F13A1: variants seen among roughly 807,000 people sequenced by gnomAD.
F13A1 encodes FSF, A subunit.
A neutral mutation model predicts 80.1 loss-of-function variants in F13A1; 47 were observed. The ratio of observed to expected loss-of-function variants is 0.59; its 90% CI spans 0.46 to 0.75. F13A1 has a LOEUF of 0.75. F13A1 is among the 30% of genes least tolerant of loss of function. The pLI is 0.00. For synonymous variants in F13A1, 349 were observed against 344.9 expected, an observed-to-expected ratio of 1.01 and a Z score of -0.13; for missense variants, 817 against 930.4, an observed-to-expected ratio of 0.88 and a Z score of 1.59.
At chr6:6,270,563 A>G (rs1561674399) in intron 3 of F13A1, among the ~76,000 whole-genome samples, 1 of 152,236 alleles carries the variant, frequency 6.6e-6, no homozygotes. Context: ...TGGGGTCCTT[A>G]CAAAACCTCT....
chr6:6,291,161 TCTC>T (rs1265031335), intron 3 of F13A1, among the ~76,000 whole-genome samples: 2 of 152,114 alleles, frequency 1.3e-5, no homozygotes, highest in African/African-American at 4.8e-5. Context: ...AGTTCATACT[TCTC>T]CACCTACGGC....
rs752429659 is a variant in F13A1, at chr6:6,318,522, G to C, written c.130+13C>G. 2 of 1,610,232 alleles carry C rather than the reference G, an allele frequency of 1.2e-6. No individual in the cohort carries two copies. The highest frequency in any genetic ancestry group is 1.8e-4 in the Middle Eastern group (1 of 5,538). ...TGGACCCAGAGTGGTGGGGAAGGGGGGTATGCTCATACCTTGCAGGTTGAC... is the reference window on the plus strand; with the variant it reads ...TGGACCCAGAGTGGTGGGGAAGGGGCGTATGCTCATACCTTGCAGGTTGAC... On this transcript the variant is annotated intron_variant, in intron 2 of 14. Transcript: ENST00000264870.
chr6:6,185,537 C>A (rs1286097145), intron 10 of F13A1, among the ~76,000 whole-genome samples: 1 of 151,892 alleles, frequency 6.6e-6, no homozygotes, highest in Non-Finnish European at 1.5e-5. Flanking sequence ...CATGTCCCTA[C>A]AAAGGACATG....
In F13A1 at chr6:6,211,984, G is replaced by A. The variant is rs541845895; in HGVS notation, c.1112+10049C>T. Reference sequence around the variant, plus strand: ...CGCTTTTCTGACGGGCTTAAAAAACGGCACACCAGGAGATTATATCCCGCA... The same window carrying A: ...CGCTTTTCTGACGGGCTTAAAAAACAGCACACCAGGAGATTATATCCCGCA... On this transcript the variant is annotated intron_variant, in intron 8 of 14. Coordinates refer to ENST00000264870, the MANE Select transcript of F13A1 (RefSeq NM_000129.4). Among the ~76,000 whole-genome samples, 13 of 152,300 alleles carry A rather than the reference G, an allele frequency of 8.5e-5. No individual in the cohort carries two copies. The South Asian group carries it at 2.5e-3, about 29-fold the overall frequency.
rs1760236733 is a variant in F13A1 at position 6,144,265 on chromosome 6, C to A, written c.*1354G>T. 1 of 152,086 alleles carries A rather than the reference C, an allele frequency of 6.6e-6. No homozygotes were observed. Among genetic ancestry groups the A allele is most frequent in the South Asian group, 2.1e-4 (1 of 4,826 alleles). The allele number at this position is 152,086 out of a possible 1,614,324, so 9.4% of individuals were successfully genotyped here. A position where few individuals can be genotyped will look rare whatever the true frequency, so the allele number is the denominator to read the frequency against. ...AGTATGATGTATATATAGAGGGGACCAGCTCACCCTCATAGGTTAGTGCTG... is the reference window on the plus strand; with the variant it reads ...AGTATGATGTATATATAGAGGGGACAAGCTCACCCTCATAGGTTAGTGCTG... On this transcript the variant is annotated 3_prime_UTR_variant, in exon 15 of 15. Coordinates refer to ENST00000264870, the MANE Select transcript of F13A1 (RefSeq NM_000129.4).
At chr6:6,183,283 G>A (rs911548996) in intron 10 of F13A1, among the ~76,000 whole-genome samples, 26 of 152,202 alleles carry the variant, frequency 1.7e-4, no homozygotes, top group African/African-American at 6.3e-4. Flanking sequence ...ACGATTGGCA[G>A]AATTAACAGA....
chr6:6,271,356 T>C (rs1014495657), intron 3 of F13A1, among the ~76,000 whole-genome samples: 12 of 152,192 alleles, frequency 7.9e-5, no homozygotes, highest in African/African-American at 2.4e-4. Flanking sequence ...TCGGCATGGT[T>C]ACGAGACCAC....
intron 8 of F13A1, among the ~76,000 whole-genome samples, chr6:6,218,850 G>A (rs74323294): frequency 0.011 from 1,663 of 152,188 alleles, 29 homozygotes; most frequent in African/African-American, 0.037. Flanking sequence ...GGAGTGTGGC[G>A]AGCAGAATAC....
At chr6:6,307,737 A>T (rs1758533609) in intron 2 of F13A1, among the ~76,000 whole-genome samples, 1 of 152,174 alleles carries the variant, frequency 6.6e-6, no homozygotes, top group Non-Finnish European at 1.5e-5. Context: ...TTTTCATGAG[A>T]GCCCTACTAC....
intron 13 of F13A1, 118 bp downstream of exon 13, chr6:6,167,340 T>C: frequency 1.1e-6 from 1 of 905,518 alleles, no homozygotes; most frequent in Non-Finnish European, 1.6e-6. Context: ...TTTTTTTTTT[T>C]TTTTTTGAGC....
intron 8 of F13A1, among the ~76,000 whole-genome samples, chr6:6,216,972 A>C (rs923430737): frequency 5.3e-5 from 8 of 151,056 alleles, no homozygotes; most frequent in African/African-American, 2.0e-4. Context: ...ACAAAACCAC[A>C]ATGAGATACC....
intron 8 of F13A1, among the ~76,000 whole-genome samples, chr6:6,210,620 T>C (rs1024200801): frequency 6.6e-6 from 1 of 151,886 alleles, no homozygotes; most frequent in African/African-American, 2.4e-5. Flanking sequence ...GGTCTTGATC[T>C]CCTGACCTTG....
At chr6:6,295,035 A>T (rs1043694441) in intron 3 of F13A1, among the ~76,000 whole-genome samples, 4 of 144,050 alleles carry the variant, frequency 2.8e-5, no homozygotes, top group African/African-American at 1.1e-4. Context: ...GAGAATGATG[A>T]TTTCCAATTT....
At chr6:6,158,735 C>T (rs1760521092) in intron 13 of F13A1, among the ~76,000 whole-genome samples, 1 of 151,524 alleles carries the variant, frequency 6.6e-6, no homozygotes, top group Non-Finnish European at 1.5e-5. Flanking sequence ...GGTCAGGGTT[C>T]AGCAATAATT....
At chr6:6,212,094 G>A (rs1761627275) in intron 8 of F13A1, among the ~76,000 whole-genome samples, 1 of 152,270 alleles carries the variant, frequency 6.6e-6, no homozygotes, top group African/African-American at 2.4e-5. Flanking sequence ...CAGCAGCAAG[G>A]CTGGCGGAGG....
chr6:6,278,627 G>A (rs1758020767), intron 3 of F13A1, among the ~76,000 whole-genome samples: 1 of 151,882 alleles, frequency 6.6e-6, no homozygotes, highest in Non-Finnish European at 1.5e-5. Flanking sequence ...CTGGGACAGA[G>A]GGAATTGTGG....
At chr6:6,194,497 G>C (rs1257018743) in intron 10 of F13A1, among the ~76,000 whole-genome samples, 2 of 151,918 alleles carry the variant, frequency 1.3e-5, no homozygotes, top group Non-Finnish European at 2.9e-5. Context: ...TACTACCTGG[G>C]GACACTTCCA....
At chr6:6,200,917 G>A (rs1022322528) in intron 8 of F13A1, among the ~76,000 whole-genome samples, 1 of 152,104 alleles carries the variant, frequency 6.6e-6, no homozygotes, top group African/African-American at 2.4e-5. Context: ...TGGAAGGGAG[G>A]TCACTGTGTA....
chr6:6,235,532 G>A lies in F13A1; in HGVS notation c.799-10672C>T, dbSNP rs149016424. On this transcript the variant is annotated intron_variant, in intron 6 of 14. Coordinates refer to ENST00000264870, the MANE Select transcript of F13A1 (RefSeq NM_000129.4). ...ACGTGGGTGGCCAATCACAACAAAA[G>A]ATGCTCAGTATCATCAGCCATTAAG... 5.5e-3 allele frequency among the ~76,000 whole-genome samples: 830 copies of A among 152,056 alleles called. 5 individuals carry two copies. The highest frequency in any genetic ancestry group is 0.013 in the South Asian group (65 of 4,824).
Sources: gnomAD v4.1 joint callset for allele counts (sites outside exome capture counted in the v4.1 genomes callset) on GRCh38, gnomAD v4.1.1 for gene constraint, MANE v1.5 for transcripts, NCBI Gene and HGNC (gene_info 2026-07-23, HGNC 2026-07-21) for gene names.